CDH12: variants seen among roughly 807,000 people sequenced by gnomAD.
The protein encoded by CDH12 is cadherin-12.
CDH12 carries 41 observed loss-of-function variants against 74.1 expected under a neutral mutation model. The observed-to-expected ratio is 0.55, with a 90% CI of 0.43 to 0.72. CDH12 has a LOEUF of 0.72. Ranked by LOEUF, CDH12 falls within the 30% of genes least tolerant of loss-of-function variation. The pLI, the probability that CDH12 is intolerant of heterozygous loss-of-function variation, is 0.00. For synonymous variants in CDH12, 399 were observed against 355.0 expected (o/e 1.12, Z -1.39); for missense variants, 945 against 977.2 (o/e 0.97, Z 0.44).
chr5:21,781,624 T>C (rs1032246829), intron 11 of CDH12, among the ~76,000 whole-genome samples: 2 of 151,848 alleles, frequency 1.3e-5, no homozygotes, highest in African/African-American at 4.8e-5. Flanking sequence ...CTCGGTGGGT[T>C]GAGGCAGGAG....
chr5:21,770,767 T>C (rs189776686), intron 11 of CDH12, among the ~76,000 whole-genome samples: 2 of 152,264 alleles, frequency 1.3e-5, no homozygotes, highest in Non-Finnish European at 2.9e-5. Flanking sequence ...ACATGTATGT[T>C]CATTGCAGCA....
At chr5:22,336,690 A>G (rs914500978) in intron 3 of CDH12, among the ~76,000 whole-genome samples, 1 of 152,148 alleles carries the variant, frequency 6.6e-6, no homozygotes, top group African/African-American at 2.4e-5. Context: ...CTCTACCTAG[A>G]TTTCAGAAAT....
intron 2 of CDH12, among the ~76,000 whole-genome samples, chr5:22,463,503 G>A (rs562690444): frequency 1.3e-5 from 2 of 152,174 alleles, no homozygotes; most frequent in African/African-American, 2.4e-5. Context: ...ACATAAAAAT[G>A]TCTAGTACTA....
intron 3 of CDH12, among the ~76,000 whole-genome samples, chr5:22,350,401 A>G (rs1189348020): frequency 1.3e-5 from 2 of 152,214 alleles, no homozygotes; most frequent in Non-Finnish European, 2.9e-5. Flanking sequence ...CGCAGTCAGA[A>G]TAGGATTGTC....
At chr5:21,867,456 AAACACCAGGGCGGGGCTGCCC>A (rs1751390603) in intron 6 of CDH12, among the ~76,000 whole-genome samples, 1 of 152,110 alleles carries the variant, frequency 6.6e-6, no homozygotes. Flanking sequence ...CGGGGCTGCC[AAACACCAGGGCGGGGCTGCCC>A]AACACCATGG....
intron 11 of CDH12, among the ~76,000 whole-genome samples, chr5:21,768,086 C>T (rs1466406369): frequency 6.6e-6 from 1 of 151,696 alleles, no homozygotes; most frequent in Non-Finnish European, 1.5e-5. Flanking sequence ...AAATTAGTTA[C>T]TGTTGAATAC....
At chr5:21,918,746 G>A (rs1754221317) in intron 6 of CDH12, among the ~76,000 whole-genome samples, 1 of 152,084 alleles carries the variant, frequency 6.6e-6, no homozygotes, top group Non-Finnish European at 1.5e-5. Flanking sequence ...TTCAAGTTGA[G>A]TTTTGGGCAG....
chr5:22,828,454 T>C (rs934024343), intron 1 of CDH12, among the ~76,000 whole-genome samples: 1 of 152,188 alleles, frequency 6.6e-6, no homozygotes, highest in Non-Finnish European at 1.5e-5. Context: ...AATGCTAATC[T>C]ACATATCCAA....
intron 1 of CDH12, among the ~76,000 whole-genome samples, chr5:22,562,669 T>A (rs1739109061): frequency 6.6e-6 from 1 of 151,700 alleles, no homozygotes; most frequent in Non-Finnish European, 1.5e-5. Context: ...AGAAGGAAGA[T>A]GAGTCAGTTA....
At chr5:22,661,620 A>G (rs1580862481) in intron 1 of CDH12, among the ~76,000 whole-genome samples, 1 of 152,172 alleles carries the variant, frequency 6.6e-6, no homozygotes, top group East Asian at 1.9e-4. Flanking sequence ...TTTTACCATA[A>G]AAATAATCCT....
At chr5:22,076,533 A>C (rs1335475428) in intron 5 of CDH12, among the ~76,000 whole-genome samples, 1 of 152,172 alleles carries the variant, frequency 6.6e-6, no homozygotes, top group Non-Finnish European at 1.5e-5. Context: ...AGTTGAAATA[A>C]CTGATATCTA....
chr5:22,505,713 T>G lies in CDH12; in HGVS notation c.-522-349A>C, dbSNP rs1052898501. ...CCAGGATATCACATTGCCTTGTCAT[T>G]ATGTCCCCTTGGCCTCCTCATGGCA... On this transcript the variant is annotated intron_variant, in intron 1 of 14. Coordinates refer to ENST00000382254, the MANE Select transcript of CDH12 (RefSeq NM_004061.5). 2.0e-5 allele frequency among the ~76,000 whole-genome samples: 3 copies of G among 152,234 alleles called. 1 individual carries two copies. In the South Asian group the frequency reaches 6.2e-4, roughly 32 times the overall value.
chr5:21,778,271 C>A (rs938506997), intron 11 of CDH12, among the ~76,000 whole-genome samples: 10 of 152,146 alleles, frequency 6.6e-5, no homozygotes, highest in African/African-American at 2.4e-4. Flanking sequence ...AAAGTCCATT[C>A]CTCATGCCCA....
chr5:22,526,078 C>T (rs1249163578), intron 1 of CDH12, among the ~76,000 whole-genome samples: 1 of 152,110 alleles, frequency 6.6e-6, no homozygotes, highest in Non-Finnish European at 1.5e-5. Flanking sequence ...AGAGTCTTTA[C>T]TCATTTCTTC....
chr5:22,117,050 T>C (rs1745160476), intron 4 of CDH12, among the ~76,000 whole-genome samples: 1 of 151,856 alleles, frequency 6.6e-6, no homozygotes, highest in South Asian at 2.1e-4. Flanking sequence ...ATAGGGGTTA[T>C]AAAGTCCAAT....
Position 22,444,539 on chromosome 5 carries a change from G to GTTT in CDH12, c.-427-39191_-427-39189dup, listed in dbSNP as rs35321671. Among the ~76,000 whole-genome samples the GTTT allele has an allele frequency of 2.4e-4, 35 of 143,128 alleles. 1 individual carries two copies. The highest frequency in any genetic ancestry group is 1.4e-3 in the East Asian group (7 of 4,874). The allele number at this position is 143,128 out of a possible 152,430, so 93.9% of individuals were successfully genotyped here. A position where few individuals can be genotyped will look rare whatever the true frequency, so the allele number is the denominator to read the frequency against. On this transcript the variant is annotated intron_variant, in intron 2 of 14. Coordinates refer to ENST00000382254, the MANE Select transcript of CDH12 (RefSeq NM_004061.5). ...GATGCTGTCACACAGTTTTTTAACA[G>GTTT]TTTTTTTTTTTTTTTCCCATAAGTA... is the stretch of plus-strand genomic sequence containing the variant.
chr5:21,832,919 A>AC (rs1749142378), intron 8 of CDH12, among the ~76,000 whole-genome samples: 1 of 65,700 alleles, frequency 1.5e-5, no homozygotes, highest in African/African-American at 1.1e-4. Context: ...ATATAATATT[A>AC]ATATATATCA....
intron 1 of CDH12, among the ~76,000 whole-genome samples, chr5:22,600,023 G>A (rs896822034): frequency 4.6e-5 from 7 of 152,056 alleles, no homozygotes; most frequent in Admixed American, 4.6e-4. Flanking sequence ...ATTATTCACA[G>A]ATTGTCTCAA....
rs192359278 is a variant in CDH12, at chr5:22,412,111, A to C, written c.-427-6760T>G. Among the ~76,000 whole-genome samples, 391 of 152,112 alleles carry C rather than the reference A, an allele frequency of 2.6e-3. 3 individuals carry two copies. The highest frequency in any genetic ancestry group is 8.9e-3 in the African/African-American group (370 of 41,568). On this transcript the variant is annotated intron_variant, in intron 2 of 14. Coordinates refer to ENST00000382254, the MANE Select transcript of CDH12 (RefSeq NM_004061.5). Reference sequence around the variant, plus strand: ...GAGAGACATCTGTCAAATTTTGATCATCTTTCCAAGAAAATAGCAGTATTC... The same window carrying C: ...GAGAGACATCTGTCAAATTTTGATCCTCTTTCCAAGAAAATAGCAGTATTC...
Sources: allele counts gnomAD v4.1 joint callset (sites outside exome capture counted in the v4.1 genomes callset), GRCh38; gene constraint gnomAD v4.1.1; transcripts MANE v1.5; gene names NCBI Gene and HGNC (gene_info 2026-07-23, HGNC 2026-07-21).